The following ZMYND12 variants were observed in gnomAD, a reference collection of about 807,000 sequenced individuals.
ZMYND12 encodes the protein zinc finger MYND domain-containing protein 12.
Under a neutral mutation model 41.7 loss-of-function variants are expected in ZMYND12, and 32 were observed. That is an observed-to-expected ratio of 0.77 (90% confidence interval 0.58 to 1.03). The LOEUF (loss-of-function observed/expected upper bound fraction) is 1.03. ZMYND12 is among the 50% of genes least tolerant of loss of function. The pLI is 0.00. For synonymous variants in ZMYND12, 148 were observed against 164.8 expected (o/e 0.90, Z 0.78); for missense variants, 424 against 438.5 (o/e 0.97, Z 0.30).
chr1:42,447,489 A>C (rs1221284730), intron 3 of ZMYND12, among the ~76,000 whole-genome samples: 1 of 152,230 alleles, frequency 6.6e-6, no homozygotes, highest in Non-Finnish European at 1.5e-5. Flanking sequence ...TTTTGCTATA[A>C]AGATGTTATT....
intron 3 of ZMYND12, among the ~76,000 whole-genome samples, chr1:42,444,016 C>T (rs773241087): frequency 6.6e-6 from 1 of 152,136 alleles, no homozygotes; most frequent in East Asian, 1.9e-4. Flanking sequence ...TAAGTGCATG[C>T]CACCATGACC....
intron 2 of ZMYND12, 27 bp downstream of exon 2, chr1:42,449,891 A>G (rs1643064602): frequency 6.2e-7 from 1 of 1,606,512 alleles, no homozygotes. Flanking sequence ...CCTACGACTT[A>G]ACCTTGGAAA....
chr1:42,448,328 T>G, intron 3 of ZMYND12, 139 bp downstream of exon 3: 1 of 1,020,328 alleles, frequency 9.8e-7, no homozygotes, highest in Middle Eastern at 3.4e-4. Flanking sequence ...CCCTACCTTG[T>G]GCTAAACTTT....
rs570851329 is a variant in ZMYND12 at position 42,441,778 on chromosome 1, G to T, written c.425-1753C>A. On this transcript the variant is annotated intron_variant, in intron 3 of 7. Coordinates refer to ENST00000372565, the MANE Select transcript of ZMYND12 (RefSeq NM_032257.5). ...TGGGACTACAGGCGCCCGCCACTAC[G>T]CCCGGCTAATTTTTTGTATTTTTAG... Among the ~76,000 whole-genome samples the T allele has an allele frequency of 8.1e-4, 123 of 151,956 alleles. 2 individuals are homozygous for T. Among genetic ancestry groups the T allele is most frequent in the Middle Eastern group, 3.4e-3 (1 of 292 alleles).
rs200929864 is a variant in ZMYND12 at position 42,455,914 on chromosome 1, G to A, written c.84C>T (p.Cys28=). 3.1e-6 allele frequency: 5 copies of A among 1,613,518 alleles called. No individual in the cohort carries two copies. The East Asian group carries it at 1.1e-4, about 36-fold the overall frequency. Residue 28 remains cysteine, a synonymous_variant, in exon 1 of 8, where the codon TGC becomes TGT. Coordinates refer to ENST00000372565, the MANE Select transcript of ZMYND12 (RefSeq NM_032257.5). ...EVCEAPAERV[C]AACTVTYYCG... is the part of the protein sequence containing the mutation. ...AGTAATAAGTGACTGTGCAGGCCGC[G>A]CACACCCGCTCGGCTGGGGCTTCGC...
intron 6 of ZMYND12, among the ~76,000 whole-genome samples, chr1:42,434,070 A>G (rs1397291548): frequency 6.6e-6 from 1 of 152,206 alleles, no homozygotes; most frequent in Admixed American, 6.5e-5. Context: ...TCCTTCTTCA[A>G]CACCACCCAG....
intron 7 of ZMYND12, among the ~76,000 whole-genome samples, chr1:42,432,121 A>C (rs1280288325): frequency 6.6e-6 from 1 of 150,964 alleles, no homozygotes; most frequent in Non-Finnish European, 1.5e-5. Context: ...CAGAGGCACA[A>C]GCACGGCTCA....
At chr1:42,442,255 G>A (rs1368858590) in intron 3 of ZMYND12, among the ~76,000 whole-genome samples, 1 of 152,120 alleles carries the variant, frequency 6.6e-6, no homozygotes, top group Admixed American at 6.5e-5. Flanking sequence ...GGACCAGAGG[G>A]GAGGAATAAA....
intron 3 of ZMYND12, among the ~76,000 whole-genome samples, chr1:42,447,668 G>A (rs1643037902): frequency 6.6e-6 from 1 of 152,188 alleles, no homozygotes; most frequent in South Asian, 2.1e-4. Flanking sequence ...TACTCTCAGA[G>A]AACTCAGGGG....
intron 3 of ZMYND12, among the ~76,000 whole-genome samples, chr1:42,443,464 C>T (rs764614327): frequency 6.6e-6 from 1 of 152,152 alleles, no homozygotes; most frequent in Non-Finnish European, 1.5e-5. Flanking sequence ...GGTGAGGCAA[C>T]AGGCTTACAC....
At chr1:42,446,085 G>A (rs1255596375) in intron 3 of ZMYND12, among the ~76,000 whole-genome samples, 1 of 152,198 alleles carries the variant, frequency 6.6e-6, no homozygotes, top group Non-Finnish European at 1.5e-5. Context: ...ACCCACACAA[G>A]TGAGGAGGGA....
intron 7 of ZMYND12, among the ~76,000 whole-genome samples, chr1:42,432,060 C>CTTTTTTT (rs111394001): frequency 2.3e-5 from 3 of 132,964 alleles, no homozygotes; most frequent in African/African-American, 2.8e-5. Context: ...TTTTCTTTTT[C>CTTTTTTT]TTTTTTTTTT....
In ZMYND12 at chr1:42,439,969, G is replaced by A; in HGVS notation, c.481C>T (p.Leu161Phe). ...EYLFQAQWTVLKSTDCSNATH... is the reference protein window; with the variant it reads ...EYLFQAQWTVFKSTDCSNATH... ...GCATTACTACAGTCAGTTGATTTGA[G>A]GACTGTCCACTGGGCTTGGAATAGA... Residue 161 changes from leucine to phenylalanine, a missense_variant, in exon 4 of 8, where the codon CTC (leucine) becomes TTC (phenylalanine). By Grantham distance (22) the Leu-to-Phe change is conservative. Transcript: ENST00000372565. 1 of 1,613,986 alleles carries A rather than the reference G, an allele frequency of 6.2e-7. No individual in the cohort carries two copies. Among genetic ancestry groups the A allele is most frequent in the Non-Finnish European group, 8.5e-7 (1 of 1,179,986 alleles).
chr1:42,434,822 A>G (rs762284877), intron 6 of ZMYND12, among the ~76,000 whole-genome samples: 7 of 151,984 alleles, frequency 4.6e-5, no homozygotes, highest in Admixed American at 4.6e-4. Flanking sequence ...CAATATATTA[A>G]TAATAATAAA....
intron 4 of ZMYND12, among the ~76,000 whole-genome samples, chr1:42,438,286 A>G (rs899240785): frequency 6.6e-5 from 10 of 152,214 alleles, no homozygotes; most frequent in African/African-American, 2.2e-4. Flanking sequence ...TTATTACTTG[A>G]CATGTAGAAG....
At chr1:42,444,508 TG>T (rs1423868594) in intron 3 of ZMYND12, among the ~76,000 whole-genome samples, 15 of 152,214 alleles carry the variant, frequency 9.9e-5, no homozygotes, top group Non-Finnish European at 2.9e-5. Flanking sequence ...AGCACTTTCA[TG>T]GTCATTACAC....
intron 1 of ZMYND12, among the ~76,000 whole-genome samples, chr1:42,453,429 A>G (rs1392236381): frequency 6.6e-6 from 1 of 152,224 alleles, no homozygotes; most frequent in East Asian, 1.9e-4. Flanking sequence ...ATACAATGAC[A>G]GGTCGGACAT....
chr1:42,448,334 A>G (rs1643045471), intron 3 of ZMYND12, 133 bp downstream of exon 3: 1 of 1,111,516 alleles, frequency 9.0e-7, no homozygotes, highest in Admixed American at 3.8e-5. Context: ...CTTGTGCTAA[A>G]CTTTACAGCA....
intron 3 of ZMYND12, among the ~76,000 whole-genome samples, chr1:42,446,076 C>T (rs2148408715): frequency 6.6e-6 from 1 of 152,182 alleles, no homozygotes; most frequent in African/African-American, 2.4e-5. Context: ...GGAGTTGGAA[C>T]CCACACAAGT....
Sources: allele counts gnomAD v4.1 joint callset (sites outside exome capture counted in the v4.1 genomes callset), GRCh38; gene constraint gnomAD v4.1.1; transcripts MANE v1.5; gene names NCBI Gene and HGNC (gene_info 2026-07-23, HGNC 2026-07-21).